Variants in SCFD2 observed in about 807,000 individuals in gnomAD.
The protein encoded by SCFD2 is sec1 family domain containing 2, also known as sec1 family domain-containing protein 2.
A neutral mutation model predicts 58.9 loss-of-function variants in SCFD2; 54 were observed. That is an observed-to-expected ratio of 0.92 (90% CI 0.74 to 1.15). The LOEUF is 1.15. Among genes scored for constraint, SCFD2 ranks in the 50% most tolerant of loss-of-function variants. The probability of loss-of-function intolerance (pLI) is 0.00; values close to 1 mark genes in which losing one functional copy is unlikely to be tolerated. For synonymous variants in SCFD2, 321 were observed against 335.9 expected (o/e 0.96, Z 0.49); for missense variants, 805 against 836.6 (o/e 0.96, Z 0.47).
chr4:52,936,864 GTA>G (rs1218477562), intron 5 of SCFD2, among the ~76,000 whole-genome samples: 1 of 152,210 alleles, frequency 6.6e-6, no homozygotes, highest in Admixed American at 6.5e-5. Flanking sequence ...GTCTTCTCCT[GTA>G]AGTTGACTTT....
At chr4:52,911,845 CT>C (rs1719493708) in intron 6 of SCFD2, among the ~76,000 whole-genome samples, 2 of 152,160 alleles carry the variant, frequency 1.3e-5, no homozygotes, top group African/African-American at 2.4e-5. Context: ...CACTTCTGTG[CT>C]TTGCCAGCTA....
At chr4:53,103,643 C>T (rs939784679) in intron 5 of SCFD2, among the ~76,000 whole-genome samples, 11 of 147,918 alleles carry the variant, frequency 7.4e-5, no homozygotes, top group African/African-American at 2.2e-4. Context: ...TATCTAGTAC[C>T]AGATCTTGAT....
intron 5 of SCFD2, among the ~76,000 whole-genome samples, chr4:52,955,643 T>C (rs1236527294): frequency 6.6e-6 from 1 of 152,198 alleles, no homozygotes. Flanking sequence ...GCTCTTAGCC[T>C]TACTTTAAAT....
intron 4 of SCFD2, among the ~76,000 whole-genome samples, chr4:53,170,146 A>G (rs904722849): frequency 1.3e-5 from 2 of 152,086 alleles, no homozygotes; most frequent in Non-Finnish European, 2.9e-5. Context: ...TCTTGTAGTC[A>G]TTTTATGGTT....
At chr4:52,992,518 C>T (rs185318409) in intron 5 of SCFD2, among the ~76,000 whole-genome samples, 4 of 151,878 alleles carry the variant, frequency 2.6e-5, no homozygotes, top group African/African-American at 4.8e-5. Flanking sequence ...CCCCTCTGCC[C>T]GGCCACCCAG....
intron 2 of SCFD2, among the ~76,000 whole-genome samples, chr4:53,333,275 G>A (rs1471001125): frequency 6.7e-6 from 1 of 149,840 alleles, no homozygotes; most frequent in African/African-American, 2.5e-5. Context: ...AACCAAAAAA[G>A]AGCCCGCCAT....
intron 5 of SCFD2, among the ~76,000 whole-genome samples, chr4:53,058,123 T>A (rs151062588): frequency 0.011 from 1,733 of 152,282 alleles, 18 homozygotes; most frequent in Middle Eastern, 0.034. Context: ...CAAATCTAAT[T>A]ACAAATATGA....
chr4:52,938,583 G>C (rs1476993887), intron 5 of SCFD2, among the ~76,000 whole-genome samples: 2 of 152,076 alleles, frequency 1.3e-5, no homozygotes, highest in Admixed American at 6.5e-5. Flanking sequence ...AACAAGCAGA[G>C]GTCTGTACTG....
At position 52,899,645 on chromosome 4, in the gene SCFD2, G is replaced by A. The variant is rs192979777; in HGVS notation, c.1842+7812C>T. 8.1e-4 allele frequency among the ~76,000 whole-genome samples: 123 copies of A among 152,176 alleles called. 1 individual carries two copies. Among genetic ancestry groups the A allele is most frequent in the East Asian group, 2.3e-3 (12 of 5,184 alleles). On this transcript the variant is annotated intron_variant, in intron 7 of 8. Coordinates refer to ENST00000401642, the MANE Select transcript of SCFD2 (RefSeq NM_152540.4). ...TATGTGTCTTGGAGTTGCTCTTCTC[G>A]AGGAGTATCTTTGTGGCGTTCCCTG...
chr4:52,973,223 T>A lies in SCFD2; in HGVS notation c.1562-52353A>T, dbSNP rs530267454. Among the ~76,000 whole-genome samples the A allele has an allele frequency of 2.1e-4, 32 of 152,032 alleles. No homozygotes were observed. In the South Asian group the frequency reaches 6.6e-3, roughly 32 times the overall value. ...AAAACCCTTCAAAAAAATCAATGAA[T>A]CCAGGAGCTGGTTTTTTGAAAAGAT... is the stretch of plus-strand genomic sequence containing the variant. On this transcript the variant is annotated intron_variant, in intron 5 of 8. Coordinates refer to ENST00000401642, the MANE Select transcript of SCFD2 (RefSeq NM_152540.4).
chr4:53,142,825 T>A (rs1225965018), intron 5 of SCFD2, among the ~76,000 whole-genome samples: 1 of 152,208 alleles, frequency 6.6e-6, no homozygotes, highest in Non-Finnish European at 1.5e-5. Flanking sequence ...AAAGTCCTAT[T>A]GGTCTTCACA....
chr4:52,881,330 C>T (rs1425907473), intron 8 of SCFD2, among the ~76,000 whole-genome samples: 1 of 152,208 alleles, frequency 6.6e-6, no homozygotes, highest in African/African-American at 2.4e-5. Context: ...AAAGCCTTCT[C>T]CATGGGAGTC....
intron 2 of SCFD2, among the ~76,000 whole-genome samples, chr4:53,345,351 C>A (rs183276395): frequency 6.6e-5 from 10 of 152,266 alleles, no homozygotes; most frequent in Admixed American, 2.6e-4. Flanking sequence ...AAAAAATGTT[C>A]ATTATCACTT....
intron 5 of SCFD2, among the ~76,000 whole-genome samples, chr4:53,118,293 T>C: frequency 6.6e-6 from 1 of 152,164 alleles, no homozygotes; most frequent in South Asian, 2.1e-4. Flanking sequence ...GGACAACTGA[T>C]GAAATGACCA....
At chr4:53,185,412 T>A (rs1210789325) in intron 4 of SCFD2, among the ~76,000 whole-genome samples, 2 of 152,078 alleles carry the variant, frequency 1.3e-5, no homozygotes, top group Non-Finnish European at 2.9e-5. Flanking sequence ...ATAATAATTA[T>A]AACGCATTTA....
intron 4 of SCFD2, among the ~76,000 whole-genome samples, chr4:53,245,427 T>C (rs1458345261): frequency 6.6e-6 from 1 of 152,130 alleles, no homozygotes; most frequent in Non-Finnish European, 1.5e-5. Context: ...GTAAACTTTA[T>C]CCATGGAGTG....
At chr4:53,160,637 A>G (rs564838910) in intron 4 of SCFD2, among the ~76,000 whole-genome samples, 3 of 152,196 alleles carry the variant, frequency 2.0e-5, no homozygotes, top group Non-Finnish European at 4.4e-5. Flanking sequence ...GCCCAGGACA[A>G]AAAAAGAGAA....
At chr4:53,267,253 G>A (rs1477873474) in intron 4 of SCFD2, among the ~76,000 whole-genome samples, 1 of 152,078 alleles carries the variant, frequency 6.6e-6, no homozygotes, top group Non-Finnish European at 1.5e-5. Context: ...TGGCTCTAAA[G>A]CCCTTGGGGA....
At chr4:53,090,775 T>C (rs181616752) in intron 5 of SCFD2, among the ~76,000 whole-genome samples, 24 of 152,312 alleles carry the variant, frequency 1.6e-4, no homozygotes, top group East Asian at 1.3e-3. Flanking sequence ...CTAATAATTA[T>C]GGAGCACTGA....
Sources: gnomAD v4.1 joint callset for allele counts (sites outside exome capture counted in the v4.1 genomes callset) on GRCh38, gnomAD v4.1.1 for gene constraint, MANE v1.5 for transcripts, NCBI Gene and HGNC (gene_info 2026-07-23, HGNC 2026-07-21) for gene names.